Variants in ASAH2 observed in about 807,000 individuals in gnomAD.
The protein encoded by ASAH2 is neutral ceramidase.
ASAH2 carries 58 observed loss-of-function variants against 82.9 expected under a neutral mutation model. The ratio of observed to expected loss-of-function variants is 0.70; its 90% confidence interval spans 0.57 to 0.87. The LOEUF (loss-of-function observed/expected upper bound fraction) is 0.87, where lower values mean the gene tolerates loss of function less well. Ranked by LOEUF, ASAH2 falls within the 40% of genes least tolerant of loss-of-function variation. The pLI is 0.00. For missense variants in ASAH2, 779 were observed against 834.0 expected (o/e 0.93, Z 0.81); for synonymous variants, 276 against 289.7 (o/e 0.95, Z 0.48).
chr10:50,234,488 T>C lies in ASAH2; in HGVS notation c.752A>G (p.Asp251Gly). The C allele has an allele frequency of 6.2e-7, 1 of 1,613,094 alleles. No homozygotes were observed. Among genetic ancestry groups the C allele is most frequent in the South Asian group, 1.1e-5 (1 of 91,060 alleles). Residue 251 changes from aspartate to glycine, a missense_variant, in exon 6 of 21, where the codon GAT becomes GGT. By Grantham distance (94) the Asp-to-Gly change is moderately conservative (BLOSUM62 -1). Around this residue, in one of 3 missense-constraint regions of ASAH2, gnomAD observed 759 missense variants for 755.2 expected, o/e 1.00. Coordinates refer to ENST00000682911, the MANE Select transcript of ASAH2 (RefSeq NM_019893.4). The stretch of plus-strand genomic sequence containing the variant: ...CGGACTTCTGTTGATCTGCACACCA[T>C]CCACATTTCCTTTATTGATGAAGAT... ...GKIFINKGNV[D>G]GVQINRSPYS...
At chr10:50,203,934 T>C (rs1246658768) in intron 14 of ASAH2, among the ~76,000 whole-genome samples, 3 of 151,964 alleles carry the variant, frequency 2.0e-5, no homozygotes, top group Non-Finnish European at 4.4e-5. Flanking sequence ...CTGGCAAAAA[T>C]CATCATTATT....
At chr10:50,248,906 A>G (rs753956955) in intron 1 of ASAH2, among the ~76,000 whole-genome samples, 1 of 152,222 alleles carries the variant, frequency 6.6e-6, no homozygotes. Context: ...AGCATTGGCC[A>G]CTGAGCTCAA....
chr10:50,189,036 G>A (rs1375896869), intron 20 of ASAH2, among the ~76,000 whole-genome samples: 8 of 145,428 alleles, frequency 5.5e-5, no homozygotes, highest in African/African-American at 1.9e-4. Context: ...AAACACCCAA[G>A]CTTCTAGTGT....
At chr10:50,250,345 A>G (rs1846582501) in intron 1 of ASAH2, among the ~76,000 whole-genome samples, 1 of 152,176 alleles carries the variant, frequency 6.6e-6, no homozygotes, top group Non-Finnish European at 1.5e-5. Flanking sequence ...AAGAGACTGG[A>G]ACATCTTCCC....
chr10:50,204,938 G>A lies in ASAH2; in HGVS notation c.1548C>T (p.Pro516=), dbSNP rs1039704940. 5 of 1,610,316 alleles carry A rather than the reference G, an allele frequency of 3.1e-6. No individual in the cohort carries two copies. In the Admixed American group the frequency reaches 8.4e-5, roughly 27 times the overall value. Residue 516 remains proline (P), a synonymous_variant, in exon 14 of 21, where the codon CCC becomes CCT. Coordinates refer to ENST00000682911, the MANE Select transcript of ASAH2 (RefSeq NM_019893.4). The part of the protein sequence containing the change: ...LHTGELSKPH[P]WHPDIVDVQI... ...GAACATCAACAATGTCTGGATGCCA[G>A]GGGTGAGGTTTTGATAGCTGAGAAC...
intron 1 of ASAH2, among the ~76,000 whole-genome samples, chr10:50,250,048 A>G (rs923076718): frequency 4.6e-5 from 7 of 152,174 alleles, no homozygotes; most frequent in African/African-American, 7.2e-5. Flanking sequence ...TAAAGAGTTT[A>G]CATTTACAAT....
intron 11 of ASAH2, 48 bp from the exon 12 acceptor site, chr10:50,210,952 T>C: frequency 6.2e-7 from 1 of 1,605,662 alleles, no homozygotes; most frequent in Non-Finnish European, 8.5e-7. Context: ...AAGACAAAAG[T>C]TAAACTGAAA....
intron 18 of ASAH2, among the ~76,000 whole-genome samples, chr10:50,193,857 A>T (rs1460063959): frequency 6.6e-6 from 1 of 151,862 alleles, no homozygotes; most frequent in Non-Finnish European, 1.5e-5. Context: ...GAGCAACAAC[A>T]ACTTTTATAT....
rs887515369 is a variant in ASAH2 at position 50,217,864 on chromosome 10, C to A, written c.1014+646G>T. Among the ~76,000 whole-genome samples, 12 of 152,272 alleles carry A rather than the reference C, an allele frequency of 7.9e-5. 1 individual carries two copies. Among genetic ancestry groups the A allele is most frequent in the Admixed American group, 7.9e-4 (12 of 15,278 alleles). ...TTTGGGCCTGGAGCAGTGGCTCATG[C>A]CTGTAATCATAACATTTTGGGAGGC... On this transcript the variant is annotated intron_variant, in intron 8 of 20. Transcript: ENST00000682911.
intron 18 of ASAH2, among the ~76,000 whole-genome samples, chr10:50,193,977 A>T (rs1844908747): frequency 6.6e-6 from 1 of 151,344 alleles, no homozygotes; most frequent in Non-Finnish European, 1.5e-5. Context: ...AAGGAAAAAA[A>T]TAGGACATAT....
intron 9 of ASAH2, among the ~76,000 whole-genome samples, chr10:50,214,060 A>G (rs1845533198): frequency 6.6e-6 from 1 of 152,206 alleles, no homozygotes. Context: ...TTTAAAACAT[A>G]TCACACAGAT....
intron 4 of ASAH2, among the ~76,000 whole-genome samples, chr10:50,240,910 A>G (rs926907527): frequency 6.6e-6 from 1 of 152,204 alleles, no homozygotes; most frequent in East Asian, 1.9e-4. Context: ...CTTTTTCACC[A>G]CTGAGTGTGA....
chr10:50,209,336 A>G (rs1008667102), intron 12 of ASAH2, among the ~76,000 whole-genome samples: 3 of 152,212 alleles, frequency 2.0e-5, no homozygotes, highest in East Asian at 1.9e-4. Flanking sequence ...AAAGTGAAAA[A>G]ACCTACAGAA....
At position 50,234,561 on chromosome 10, in the gene ASAH2, T is replaced by C. The variant is rs1263682928; in HGVS notation, c.688-9A>G. ...TGTGCTATGTCAATGCTCTGAAGGT[T>C]AAAAAAGAGGGGGATGTTATAAGCT... On this transcript the variant is annotated splice_polypyrimidine_tract_variant and intron_variant, in intron 5 of 20. Coordinates refer to ENST00000682911, the MANE Select transcript of ASAH2 (RefSeq NM_019893.4). 6.2e-7 allele frequency: 1 copy of C among 1,612,622 alleles called. No individual in the cohort carries two copies. The highest frequency in any genetic ancestry group is 1.1e-5 in the South Asian group (1 of 91,052).
chr10:50,210,308 A>G (rs1376029356), intron 12 of ASAH2, among the ~76,000 whole-genome samples: 5 of 151,946 alleles, frequency 3.3e-5, no homozygotes, highest in African/African-American at 1.2e-4. Flanking sequence ...CCAGACCACC[A>G]TGGCCAAATG....
At chr10:50,230,254 A>G (rs1280775538) in intron 7 of ASAH2, among the ~76,000 whole-genome samples, 6 of 152,182 alleles carry the variant, frequency 3.9e-5, no homozygotes, top group African/African-American at 1.4e-4. Flanking sequence ...GAACTCAAAT[A>G]TGGTTTTCAT....
chr10:50,233,095 T>C, intron 7 of ASAH2, 89 bp downstream of exon 7: 1 of 1,010,184 alleles, frequency 9.9e-7, no homozygotes, highest in South Asian at 1.3e-5. Context: ...ATTCTCAGTG[T>C]GTGCTGGTAC....
At chr10:50,227,044 C>T (rs1845904876) in intron 7 of ASAH2, among the ~76,000 whole-genome samples, 1 of 152,058 alleles carries the variant, frequency 6.6e-6, no homozygotes, top group Admixed American at 6.6e-5. Flanking sequence ...AGACAAATAG[C>T]ACAAAGTGAG....
chr10:50,230,041 A>G (rs1439754396), intron 7 of ASAH2, among the ~76,000 whole-genome samples: 2 of 152,172 alleles, frequency 1.3e-5, no homozygotes, highest in African/African-American at 2.4e-5. Context: ...TATGATAGCC[A>G]CATTTGAAAA....
Sources: allele counts gnomAD v4.1 joint callset (sites outside exome capture counted in the v4.1 genomes callset), GRCh38; gene constraint gnomAD v4.1.1; regional missense constraint gnomAD v4.1.1; transcripts MANE v1.5; gene names NCBI Gene and HGNC (gene_info 2026-07-23, HGNC 2026-07-21).